PTGFR: variants seen among roughly 807,000 people sequenced by gnomAD.
PTGFR encodes the protein prostaglandin F2-alpha receptor.
Under a neutral mutation model 26.2 loss-of-function variants are expected in PTGFR, and 15 were observed. The observed-to-expected ratio is 0.57, with a 90% confidence interval of 0.38 to 0.88. The LOEUF (loss-of-function observed/expected upper bound fraction) is 0.88, where lower values mean the gene tolerates loss of function less well. Ranked by LOEUF, PTGFR falls within the 40% of genes least tolerant of loss-of-function variation. PTGFR has a pLI of 0.00. For synonymous variants in PTGFR, 165 were observed against 151.1 expected, an observed-to-expected ratio of 1.09 and a Z score of -0.68; for missense variants, 369 against 427.2, an observed-to-expected ratio of 0.86 and a Z score of 1.20.
chr1:78,494,626 G>A (rs1048924836), intron 2 of PTGFR, among the ~76,000 whole-genome samples: 2 of 150,894 alleles, frequency 1.3e-5, no homozygotes, highest in African/African-American at 5.0e-5. Context: ...GTTTGTTTGA[G>A]ACGGAGGCTC....
intron 2 of PTGFR, among the ~76,000 whole-genome samples, chr1:78,525,516 T>G (rs966589548): frequency 3.3e-5 from 5 of 152,172 alleles, no homozygotes; most frequent in African/African-American, 1.2e-4. Context: ...CCTACTATAT[T>G]AATGGGTATC....
intron 2 of PTGFR, among the ~76,000 whole-genome samples, chr1:78,525,171 G>A (rs1650342295): frequency 6.6e-6 from 1 of 151,464 alleles, no homozygotes; most frequent in South Asian, 2.1e-4. Context: ...GACCCAGCAG[G>A]GCAATTCTGA....
intron 2 of PTGFR, among the ~76,000 whole-genome samples, chr1:78,526,542 A>G (rs1169223185): frequency 1.3e-5 from 2 of 152,124 alleles, no homozygotes; most frequent in Admixed American, 6.6e-5. Flanking sequence ...GGACGGCAGG[A>G]TGAGAACACT....
chr1:78,536,988 C>T lies in PTGFR; in HGVS notation c.*301C>T, dbSNP rs1228743406. ...CTTTGAGTGAATCATCTGTTGAGGTCTAATGCCTTTACTTGGCCTATTTGC... is the reference window on the plus strand; with the variant it reads ...CTTTGAGTGAATCATCTGTTGAGGTTTAATGCCTTTACTTGGCCTATTTGC... On this transcript the variant is annotated 3_prime_UTR_variant, in exon 3 of 3. Coordinates refer to ENST00000370757, the MANE Select transcript of PTGFR (RefSeq NM_000959.4). 3.2e-6 allele frequency: 1 copy of T among 309,612 alleles called. No individual in the cohort carries two copies. Among genetic ancestry groups the T allele is most frequent in the Non-Finnish European group, 5.9e-6 (1 of 169,016 alleles). The allele number at this position is 309,612 out of a possible 1,614,324, so 19.2% of individuals were successfully genotyped here. A position where few individuals can be genotyped will look rare whatever the true frequency, so the allele number is the denominator to read the frequency against.
In PTGFR at chr1:78,539,965, T is replaced by C. The variant is rs1650755031; in HGVS notation, c.*3278T>C. 1.3e-5 allele frequency among the ~76,000 whole-genome samples: 2 copies of C among 152,068 alleles called. No homozygotes were observed. Among genetic ancestry groups the C allele is most frequent in the South Asian group, 4.1e-4 (2 of 4,832 alleles). On this transcript the variant is annotated 3_prime_UTR_variant, in exon 3 of 3. Coordinates refer to ENST00000370757, the MANE Select transcript of PTGFR (RefSeq NM_000959.4). ...TCATAATTTAGATAGAAATCTGATT[T>C]CCCAAACCTCCAGGTTTAGATATAT...
chr1:78,514,285 A>C (rs1650042294), intron 2 of PTGFR, among the ~76,000 whole-genome samples: 1 of 152,162 alleles, frequency 6.6e-6, no homozygotes, highest in Non-Finnish European at 1.5e-5. Flanking sequence ...ACAGGGGTGG[A>C]TCTTCCCCCT....
intron 2 of PTGFR, among the ~76,000 whole-genome samples, chr1:78,535,274 G>A (rs1355208717): frequency 2.0e-5 from 3 of 152,112 alleles, no homozygotes; most frequent in Non-Finnish European, 2.9e-5. Context: ...TGTATCATAC[G>A]GAATTTGCAG....
At chr1:78,534,035 A>G (rs1650586756) in intron 2 of PTGFR, among the ~76,000 whole-genome samples, 1 of 152,180 alleles carries the variant, frequency 6.6e-6, no homozygotes, top group South Asian at 2.1e-4. Context: ...TTTTTCATAG[A>G]ATATTCAAAT....
At chr1:78,531,656 T>A (rs1472025044) in intron 2 of PTGFR, among the ~76,000 whole-genome samples, 5 of 152,010 alleles carry the variant, frequency 3.3e-5, no homozygotes, top group Non-Finnish European at 7.4e-5. Flanking sequence ...AATTAATTTA[T>A]TTTTTTACCT....
rs999596947 is a variant in PTGFR, at chr1:78,539,468, T to G, written c.*2781T>G. On this transcript the variant is annotated 3_prime_UTR_variant, in exon 3 of 3. Coordinates refer to ENST00000370757, the MANE Select transcript of PTGFR (RefSeq NM_000959.4). ...AGAATATAAATGCTGGGAATATACA[T>G]TTTATTACTTCTTAATCTGGGTGTC... 19 of 152,538 alleles carry G rather than the reference T, an allele frequency of 1.2e-4. No individual in the cohort carries two copies. Among genetic ancestry groups the G allele is most frequent in the African/African-American group, 4.3e-4 (18 of 41,432 alleles). The allele number at this position is 152,538 out of a possible 1,614,324, so 9.4% of individuals were successfully genotyped here.
rs766345178 is a variant in PTGFR at position 78,492,755 on chromosome 1, C to A, written c.12C>A (p.Asn4Lys). ...TTATCTCCACAACAATGTCCATGAA[C>A]AATTCCAAACAGCTAGTGTCTCCTG... MSM[N>K]NSKQLVSPAA... Residue 4 changes from asparagine to lysine, a missense_variant, in exon 2 of 3, where the codon AAC becomes AAA. Asn to Lys is a moderately conservative substitution (Grantham distance 94, BLOSUM62 0). Coordinates refer to ENST00000370757, the MANE Select transcript of PTGFR (RefSeq NM_000959.4). 2.5e-6 allele frequency: 4 copies of A among 1,611,622 alleles called. No individual in the cohort carries two copies. The highest frequency in any genetic ancestry group is 2.2e-5 in the East Asian group (1 of 44,884).
chr1:78,538,681 C>G lies in PTGFR; in HGVS notation c.*1994C>G, dbSNP rs941411092. 6.6e-6 allele frequency: 1 copy of G among 152,000 alleles called. No homozygotes were observed. The allele number at this position is 152,000 out of a possible 1,614,324, so 9.4% of individuals were successfully genotyped here. On this transcript the variant is annotated 3_prime_UTR_variant, in exon 3 of 3. Coordinates refer to ENST00000370757, the MANE Select transcript of PTGFR (RefSeq NM_000959.4). ...GTGTTGCATGTAGCTTGGCGATTTA[C>G]TGTGTAATGAATAATAGACTGGAAC...
intron 2 of PTGFR, among the ~76,000 whole-genome samples, chr1:78,507,048 C>A (rs1479924426): frequency 6.6e-6 from 1 of 152,178 alleles, no homozygotes; most frequent in African/African-American, 2.4e-5. Context: ...GGAATCTACC[C>A]TAAACATGCA....
chr1:78,530,189 T>C (rs1650470472), intron 2 of PTGFR, among the ~76,000 whole-genome samples: 1 of 152,210 alleles, frequency 6.6e-6, no homozygotes, highest in Admixed American at 6.6e-5. Context: ...AGTGATACTT[T>C]TTTACAATTA....
rs977905734 is a variant in PTGFR, at chr1:78,538,914, A to G, written c.*2227A>G. On this transcript the variant is annotated 3_prime_UTR_variant, in exon 3 of 3. Transcript: ENST00000370757. ...TAAGGCATTATCCAAGCAACTTCACATACTATTTAAACATGATTTCTCGGT... is the reference window on the plus strand; with the variant it reads ...TAAGGCATTATCCAAGCAACTTCACGTACTATTTAAACATGATTTCTCGGT... The G allele has an allele frequency of 9.2e-5, 14 of 152,090 alleles. No homozygotes were observed. The highest frequency in any genetic ancestry group is 8.5e-4 in the Admixed American group (13 of 15,240). 9.4% of individuals were successfully genotyped at this position (152,090 alleles called of 1,614,324 possible).
At position 78,539,851 on chromosome 1, in the gene PTGFR, T is replaced by C. The variant is rs940191188; in HGVS notation, c.*3164T>C. ...CTGGATGAGAAGAATTTCAACTTAA[T>C]TTCCATTATTACCTTTTGCTCTCCC... On this transcript the variant is annotated 3_prime_UTR_variant, in exon 3 of 3. Coordinates refer to ENST00000370757, the MANE Select transcript of PTGFR (RefSeq NM_000959.4). The C allele has an allele frequency of 6.6e-5, 10 of 152,202 alleles. No individual in the cohort carries two copies. The highest frequency in any genetic ancestry group is 5.9e-4 in the Admixed American group (9 of 15,236). 9.4% of individuals were successfully genotyped at this position (152,202 alleles called of 1,614,324 possible). A position where few individuals can be genotyped will look rare whatever the true frequency, so the allele number is the denominator to read the frequency against.
At chr1:78,524,209 C>T (rs1268037271) in intron 2 of PTGFR, among the ~76,000 whole-genome samples, 1 of 151,996 alleles carries the variant, frequency 6.6e-6, no homozygotes, top group Non-Finnish European at 1.5e-5. Flanking sequence ...TCTTTAAACC[C>T]CCATCCCTTC....
chr1:78,503,029 A>G (rs1419237293), intron 2 of PTGFR, among the ~76,000 whole-genome samples: 4 of 152,146 alleles, frequency 2.6e-5, no homozygotes, highest in Non-Finnish European at 5.9e-5. Context: ...CTGGAAATAA[A>G]TGTAATCGAA....
chr1:78,530,440 A>T (rs1305707342), intron 2 of PTGFR, among the ~76,000 whole-genome samples: 1 of 152,196 alleles, frequency 6.6e-6, no homozygotes, highest in Non-Finnish European at 1.5e-5. Flanking sequence ...TGCTAGAATC[A>T]GCTTGAAAGA....
Sources: allele counts gnomAD v4.1 joint callset (sites outside exome capture counted in the v4.1 genomes callset), GRCh38; gene constraint gnomAD v4.1.1; transcripts MANE v1.5; gene names NCBI Gene and HGNC (gene_info 2026-07-23, HGNC 2026-07-21).